PCDHGA7: variants seen among roughly 807,000 people sequenced by gnomAD.
The protein encoded by PCDHGA7 is protocadherin gamma-A7.
PCDHGA7 carries 44 observed loss-of-function variants against 58.3 expected under a neutral mutation model. That is an observed-to-expected ratio of 0.75 (90% CI 0.59 to 0.97). PCDHGA7 has a LOEUF of 0.97. PCDHGA7 is among the 50% of genes least tolerant of loss of function. The probability of loss-of-function intolerance (pLI) is 0.00; values close to 1 mark genes in which losing one functional copy is unlikely to be tolerated. For missense variants in PCDHGA7, 1,266 were observed against 1,188.7 expected, an observed-to-expected ratio of 1.06 and a Z score of -0.96; for synonymous variants, 516 against 504.2, an observed-to-expected ratio of 1.02 and a Z score of -0.31.
intron 1 of PCDHGA7, chr5:141,414,681 G>A: frequency 6.2e-7 from 1 of 1,613,954 alleles, no homozygotes; most frequent in African/African-American, 1.3e-5. Context: ...CCATCCAGGG[G>A]GTACCTCTGT....
chr5:141,489,713 A>G lies in PCDHGA7; in HGVS notation c.2425-5094A>G. On this transcript the variant is annotated intron_variant, in intron 1 of 3. Coordinates refer to ENST00000518325, the MANE Select transcript of PCDHGA7 (RefSeq NM_018920.4). The surrounding 1 kb of genome is among the most constrained non-coding windows in gnomAD (Gnocchi z 4.5). The stretch of plus-strand genomic sequence containing the variant: ...GCACGATTCCCACTGGACAGTGCCC[A>G]GGATCCGGATGTGGGCACCAATACT... 1.9e-6 allele frequency: 3 copies of G among 1,614,162 alleles called. No individual in the cohort carries two copies. The highest frequency in any genetic ancestry group is 2.5e-6 in the Non-Finnish European group (3 of 1,179,968).
chr5:141,460,172 G>T (rs545017378), intron 1 of PCDHGA7, among the ~76,000 whole-genome samples: 1 of 151,852 alleles, frequency 6.6e-6, no homozygotes, highest in South Asian at 2.1e-4. Flanking sequence ...ATATTTTGTG[G>T]ATATTTTATC....
At chr5:141,399,289 T>C (rs755445485) in intron 1 of PCDHGA7, 1 of 1,613,918 alleles carries the variant, frequency 6.2e-7, no homozygotes, top group Admixed American at 1.7e-5. Context: ...CGAAGTCCCT[T>C]TTAAGATTAT....
At chr5:141,460,872 T>C (rs2098999714) in intron 1 of PCDHGA7, among the ~76,000 whole-genome samples, 1 of 151,064 alleles carries the variant, frequency 6.6e-6, no homozygotes, top group South Asian at 2.1e-4. Flanking sequence ...GCAAAGGACA[T>C]TATTTCATGC....
intron 1 of PCDHGA7, among the ~76,000 whole-genome samples, chr5:141,453,864 G>A (rs758778743): frequency 2.6e-5 from 4 of 152,192 alleles, no homozygotes; most frequent in Non-Finnish European, 5.9e-5. Context: ...GAAAATAACA[G>A]ATGAGCAAAA....
Position 141,486,070 on chromosome 5 carries a change from T to C in PCDHGA7, c.2425-8737T>C. ...ACCTCTTTAGCCTGCACCCCACTAC[T>C]GGAAAGCTTACTCTTTTGGGGCCCC... On this transcript the variant is annotated intron_variant, in intron 1 of 3. Coordinates refer to ENST00000518325, the MANE Select transcript of PCDHGA7 (RefSeq NM_018920.4). The surrounding 1 kb of genome is among the most constrained non-coding windows in gnomAD (Gnocchi z 5.0). 6.2e-7 allele frequency: 1 copy of C among 1,614,158 alleles called. No homozygotes were observed. The highest frequency in any genetic ancestry group is 8.5e-7 in the Non-Finnish European group (1 of 1,180,010).
intron 1 of PCDHGA7, chr5:141,393,226 T>C (rs1291576624): frequency 6.2e-7 from 1 of 1,613,712 alleles, no homozygotes; most frequent in Non-Finnish European, 8.5e-7. Context: ...GTCGAAGATC[T>C]AGAAGTAAAA....
intron 1 of PCDHGA7, chr5:141,433,178 A>G: frequency 6.2e-7 from 1 of 1,608,316 alleles, no homozygotes. Context: ...TCATGGGTTA[A>G]TTGAGGTGAG....
intron 1 of PCDHGA7, among the ~76,000 whole-genome samples, chr5:141,430,101 G>C (rs918427744): frequency 6.6e-6 from 1 of 152,036 alleles, no homozygotes; most frequent in African/African-American, 2.4e-5. Context: ...ATTTTTAAGC[G>C]TTACATGTCA....
intron 1 of PCDHGA7, chr5:141,419,647 G>A (rs370948584): frequency 1.0e-4 from 165 of 1,612,474 alleles, no homozygotes; most frequent in Non-Finnish European, 1.4e-4. Context: ...CCGTGGACGC[G>A]GACTCGGGGC....
intron 1 of PCDHGA7, chr5:141,398,763 G>C (rs767181565): frequency 3.7e-6 from 6 of 1,613,788 alleles, no homozygotes; most frequent in Non-Finnish European, 5.1e-6. Flanking sequence ...GTTTAGTCCT[G>C]ACTGCCTTGG....
In PCDHGA7 at chr5:141,383,758, A is replaced by G; in HGVS notation, c.859A>G (p.Lys287Glu). The change falls in exon 1 of 4, where the codon AAA (lysine) becomes GAA (glutamate). Residue 287 changes from lysine to glutamate, a missense_variant. Physicochemically the swap from Lys to Glu is moderately conservative, Grantham distance 56. Coordinates refer to ENST00000518325, the MANE Select transcript of PCDHGA7 (RefSeq NM_018920.4). The stretch of plus-strand genomic sequence containing the variant: ...ATATTCTTTTCGGAAAATAACTCCT[A>G]AACTTCCAAAGATGTTTCATCTGAA... ...VTYSFRKITP[K>E]LPKMFHLNSL... 6.2e-7 allele frequency: 1 copy of G among 1,613,970 alleles called. No homozygotes were observed.
intron 1 of PCDHGA7, among the ~76,000 whole-genome samples, chr5:141,386,387 C>T (rs1416257552): frequency 6.6e-6 from 1 of 152,092 alleles, no homozygotes; most frequent in Admixed American, 6.5e-5. Context: ...TAATTAAAAA[C>T]ACACTTTTAG....
At chr5:141,473,033 G>GGAAA (rs1282468299) in intron 1 of PCDHGA7, among the ~76,000 whole-genome samples, 1 of 146,284 alleles carries the variant, frequency 6.8e-6, no homozygotes, top group African/African-American at 2.5e-5. Flanking sequence ...AAGGAAGGAA[G>GGAAA]GAAAGAAAGA....
In PCDHGA7 at chr5:141,420,077, C is replaced by T. The variant is rs760626443; in HGVS notation, c.2424+34754C>T. The T allele has an allele frequency of 2.9e-5, 47 of 1,613,782 alleles. No homozygotes were observed. Among genetic ancestry groups the T allele is most frequent in the Admixed American group, 1.0e-4 (6 of 60,004 alleles). The stretch of plus-strand genomic sequence containing the variant: ...CTGCTCCAAGTCCGGACCTGTGGGT[C>T]CCCCCAACTACAGTGAGGGAACGTT... On this transcript the variant is annotated intron_variant, in intron 1 of 3. Coordinates refer to ENST00000518325, the MANE Select transcript of PCDHGA7 (RefSeq NM_018920.4).
Position 141,491,954 on chromosome 5 carries a change from C to A in PCDHGA7, c.2425-2853C>A. ...TGGGACCGACCCCCACCCCTACACT[C>A]AAAAAAGGCCGGGGCCTCCTTCGAG... On this transcript the variant is annotated intron_variant, in intron 1 of 3. Transcript: ENST00000518325. This position sits in a 1 kb window ranked among gnomAD's most constrained non-coding sequence, Gnocchi z 6.9. The A allele has an allele frequency of 9.7e-7, 1 of 1,032,914 alleles. No individual in the cohort carries two copies. Among genetic ancestry groups the A allele is most frequent in the Non-Finnish European group, 1.3e-6 (1 of 747,256 alleles). The allele number at this position is 1,032,914 out of a possible 1,614,324, so 64.0% of individuals were successfully genotyped here.
intron 1 of PCDHGA7, among the ~76,000 whole-genome samples, chr5:141,453,670 G>A (rs191035462): frequency 2.5e-4 from 38 of 152,224 alleles, no homozygotes; most frequent in Middle Eastern, 6.8e-3. Context: ...TACACAAAAG[G>A]TAACACACTA....
At chr5:141,506,252 C>T (rs1158047426) in intron 3 of PCDHGA7, among the ~76,000 whole-genome samples, 1 of 151,968 alleles carries the variant, frequency 6.6e-6, no homozygotes, top group African/African-American at 2.4e-5. Flanking sequence ...AGTTCGAAAC[C>T]GGCCTGGCCA....
At chr5:141,416,553 ACT>A (rs932477065) in intron 1 of PCDHGA7, 2 of 152,100 alleles carry the variant, frequency 1.3e-5, no homozygotes, top group Non-Finnish European at 2.9e-5. Context: ...AACACCTGAA[ACT>A]CTGAAAACTC....
Sources: gnomAD v4.1 joint callset for allele counts (sites outside exome capture counted in the v4.1 genomes callset) on GRCh38, gnomAD v4.1.1 for gene constraint, Gnocchi (gnomAD v3.1) non-coding constraint, MANE v1.5 for transcripts, NCBI Gene and HGNC (gene_info 2026-07-23, HGNC 2026-07-21) for gene names.